Variants in SLC25A21 observed in about 807,000 individuals in gnomAD.
SLC25A21 encodes the protein mitochondrial 2-oxodicarboxylate carrier.
A neutral mutation model predicts 43.8 loss-of-function variants in SLC25A21; 47 were observed. The observed-to-expected ratio is 1.07, with a 90% CI of 0.85 to 1.37. SLC25A21 has a LOEUF of 1.37. Among genes scored for constraint, SLC25A21 ranks in the 40% most tolerant of loss-of-function variants. SLC25A21 has a pLI of 0.00. For missense variants in SLC25A21, 352 were observed against 350.2 expected (o/e 1.00, Z -0.04); for synonymous variants, 131 against 121.3 (o/e 1.08, Z -0.52).
rs182603188 is a variant in SLC25A21 at position 37,127,914 on chromosome 14, A to G, written c.70+44367T>C. On this transcript the variant is annotated intron_variant, in intron 1 of 9. Transcript: ENST00000331299. ...AAGAGAAGAGACTATTAGAAGCATA[A>G]GGACTAGGAGAAGCCAAATATCTTT... 1.5e-3 allele frequency among the ~76,000 whole-genome samples: 235 copies of G among 152,322 alleles called. 1 individual carries two copies. Among genetic ancestry groups the G allele is most frequent in the African/African-American group, 5.3e-3 (219 of 41,570 alleles).
At chr14:37,131,256 A>G (rs1045590504) in intron 1 of SLC25A21, among the ~76,000 whole-genome samples, 1 of 152,240 alleles carries the variant, frequency 6.6e-6, no homozygotes, top group African/African-American at 2.4e-5. Flanking sequence ...TGAAAGAAGT[A>G]ACAAAAAGGA....
chr14:36,989,368 A>T (rs1309175392), intron 1 of SLC25A21, among the ~76,000 whole-genome samples: 4 of 152,182 alleles, frequency 2.6e-5, no homozygotes, highest in African/African-American at 7.2e-5. Flanking sequence ...AACTTTGGGA[A>T]GATGCCCTCA....
At position 37,075,233 on chromosome 14, in the gene SLC25A21, G is replaced by C. The variant is rs547018911; in HGVS notation, c.70+97048C>G. 3.3e-5 allele frequency among the ~76,000 whole-genome samples: 5 copies of C among 151,548 alleles called. No homozygotes were observed. In the South Asian group the frequency reaches 1.1e-3, roughly 32 times the overall value. On this transcript the variant is annotated intron_variant, in intron 1 of 9. Coordinates refer to ENST00000331299, the MANE Select transcript of SLC25A21 (RefSeq NM_030631.4). ...TTCAACATTTCCCCTTTCTTTCTCT[G>C]ATTTACACTTCATGGGTGGTTCTTG...
chr14:37,102,800 A>G (rs1440234516), intron 1 of SLC25A21, among the ~76,000 whole-genome samples: 2 of 151,986 alleles, frequency 1.3e-5, no homozygotes, highest in Non-Finnish European at 2.9e-5. Flanking sequence ...AGCCTGGCTA[A>G]CATGGTGAAA....
intron 1 of SLC25A21, among the ~76,000 whole-genome samples, chr14:36,890,009 G>C (rs911833225): frequency 2.6e-5 from 4 of 152,104 alleles, no homozygotes; most frequent in African/African-American, 7.2e-5. Context: ...TTTTTTGAGT[G>C]CCTACTGTGT....
At chr14:36,797,938 T>TGG (rs1887729786) in intron 3 of SLC25A21, among the ~76,000 whole-genome samples, 1 of 152,198 alleles carries the variant, frequency 6.6e-6, no homozygotes, top group African/African-American at 2.4e-5. Context: ...GGTTTTACCT[T>TGG]TGCTGTCAAA....
At chr14:37,025,885 T>C (rs1037042045) in intron 1 of SLC25A21, among the ~76,000 whole-genome samples, 3 of 152,126 alleles carry the variant, frequency 2.0e-5, no homozygotes, top group Non-Finnish European at 4.4e-5. Flanking sequence ...GATCAGTGCA[T>C]AAATTTAAAT....
In SLC25A21 at chr14:36,680,502, G is replaced by T. The variant is rs1882185597; in HGVS notation, c.*156C>A. 4 of 1,269,090 alleles carry T rather than the reference G, an allele frequency of 3.2e-6. No individual in the cohort carries two copies. The highest frequency in any genetic ancestry group is 3.0e-5 in the East Asian group (1 of 33,552). 78.6% of individuals were successfully genotyped at this position (1,269,090 alleles called of 1,614,324 possible). The stretch of plus-strand genomic sequence containing the variant: ...ACAGCCAAAACTATAATCTCAAGTT[G>T]CCTATAGACATTTTTTAAAGTATTA... On this transcript the variant is annotated 3_prime_UTR_variant, in exon 10 of 10. Transcript: ENST00000331299.
chr14:36,885,531 A>C (rs1890889140), intron 1 of SLC25A21, among the ~76,000 whole-genome samples: 1 of 152,168 alleles, frequency 6.6e-6, no homozygotes, highest in South Asian at 2.1e-4. Context: ...AGTACATTGA[A>C]TCTGTATATC....
At chr14:37,068,202 G>A (rs1447083817) in intron 1 of SLC25A21, among the ~76,000 whole-genome samples, 4 of 152,222 alleles carry the variant, frequency 2.6e-5, no homozygotes, top group African/African-American at 9.6e-5. Flanking sequence ...TTAAGCAGGA[G>A]AAAGGTCATT....
intron 1 of SLC25A21, among the ~76,000 whole-genome samples, chr14:37,144,784 GTTT>G (rs11418098): frequency 6.6e-6 from 1 of 151,422 alleles, no homozygotes; most frequent in Non-Finnish European, 1.5e-5. Context: ...GTTGTTTTGG[GTTT>G]TTTTTTTTGT....
chr14:37,018,011 T>C (rs779324039), intron 1 of SLC25A21, among the ~76,000 whole-genome samples: 41 of 151,854 alleles, frequency 2.7e-4, no homozygotes, highest in Non-Finnish European at 5.3e-4. Flanking sequence ...AACTATGCAA[T>C]GATATACATA....
intron 1 of SLC25A21, among the ~76,000 whole-genome samples, chr14:37,025,075 A>C (rs1961065277): frequency 6.6e-6 from 1 of 152,060 alleles, no homozygotes. Flanking sequence ...AAAAATAGTG[A>C]CAGGCAAGCA....
chr14:36,755,366 A>C (rs1164898680), intron 3 of SLC25A21, among the ~76,000 whole-genome samples: 1 of 152,228 alleles, frequency 6.6e-6, no homozygotes, highest in Non-Finnish European at 1.5e-5. Flanking sequence ...ATTTCCATGA[A>C]CCATACATGT....
chr14:36,700,038 TG>T (rs1330317620), intron 7 of SLC25A21, among the ~76,000 whole-genome samples: 3 of 152,132 alleles, frequency 2.0e-5, no homozygotes, highest in Non-Finnish European at 4.4e-5. Flanking sequence ...TTGATCACAA[TG>T]GGAGTGCAGA....
At chr14:37,118,013 A>G (rs1310968612) in intron 1 of SLC25A21, among the ~76,000 whole-genome samples, 2 of 152,164 alleles carry the variant, frequency 1.3e-5, no homozygotes, top group African/African-American at 4.8e-5. Context: ...TTTATAGTTT[A>G]AATGATAATA....
At chr14:37,000,223 C>T (rs1960457908) in intron 1 of SLC25A21, among the ~76,000 whole-genome samples, 1 of 152,102 alleles carries the variant, frequency 6.6e-6, no homozygotes, top group Non-Finnish European at 1.5e-5. Context: ...ATATGTATTA[C>T]AATTCTGATC....
intron 1 of SLC25A21, among the ~76,000 whole-genome samples, chr14:36,966,712 A>T (rs890869322): frequency 2.6e-5 from 4 of 152,212 alleles, no homozygotes; most frequent in African/African-American, 9.6e-5. Context: ...TCTAAAGAAA[A>T]GTTAGCAAAT....
intron 1 of SLC25A21, among the ~76,000 whole-genome samples, chr14:37,127,022 G>T (rs558224463): frequency 6.6e-6 from 1 of 152,234 alleles, no homozygotes; most frequent in East Asian, 1.9e-4. Flanking sequence ...TAAATATTAC[G>T]TGGCTATTGC....
Sources: gnomAD v4.1 joint callset for allele counts (sites outside exome capture counted in the v4.1 genomes callset) on GRCh38, gnomAD v4.1.1 for gene constraint, MANE v1.5 for transcripts, NCBI Gene and HGNC (gene_info 2026-07-23, HGNC 2026-07-21) for gene names.